Variants in ARHGEF10L observed in about 807,000 individuals in gnomAD.
ARHGEF10L encodes the protein rho guanine nucleotide exchange factor 10-like protein.
In ARHGEF10L, 69 loss-of-function variants were observed where a neutral mutation model predicts 141.2. The ratio of observed to expected loss-of-function variants is 0.49; its 90% CI spans 0.40 to 0.60. The LOEUF (loss-of-function observed/expected upper bound fraction) is 0.60. Among genes scored for constraint, ARHGEF10L ranks in the 20% least tolerant of loss-of-function variants. The pLI, the probability that ARHGEF10L is intolerant of heterozygous loss-of-function variation, is 0.00. For synonymous variants in ARHGEF10L, 711 were observed against 718.5 expected, an observed-to-expected ratio of 0.99 and a Z score of 0.17; for missense variants, 1,482 against 1,734.3, an observed-to-expected ratio of 0.85 and a Z score of 2.58.
chr1:17,516,178 T>A, the ARHGEF10L span, among the ~76,000 whole-genome samples: 1 of 152,204 alleles, frequency 6.6e-6, no homozygotes, highest in Non-Finnish European at 1.5e-5. Context: ...CTTAGGAAAC[T>A]CATTATGCTA....
At chr1:17,562,322 T>C (rs944450332) in intron 1 of ARHGEF10L, among the ~76,000 whole-genome samples, 2 of 152,088 alleles carry the variant, frequency 1.3e-5, no homozygotes, top group African/African-American at 4.8e-5. Flanking sequence ...GAGGCTGAAG[T>C]GGGAGGATCA....
chr1:17,616,081 T>A lies in ARHGEF10L; in HGVS notation c.727-13T>A. ...CCGTCCCTTCCCTGATGAGCCTCTC[T>A]ACCTTTGCTCAGATGACCCAGCTCA... On this transcript the variant is annotated splice_polypyrimidine_tract_variant and intron_variant, in intron 8 of 28. Transcript: ENST00000361221. The A allele has an allele frequency of 6.2e-7, 1 of 1,612,428 alleles. No homozygotes were observed. Among genetic ancestry groups the A allele is most frequent in the Non-Finnish European group, 8.5e-7 (1 of 1,179,044 alleles).
At chr1:17,533,685 G>A in the ARHGEF10L span, among the ~76,000 whole-genome samples, 4 of 152,096 alleles carry the variant, frequency 2.6e-5, no homozygotes, top group East Asian at 1.9e-4. Context: ...GTGTTGCTCC[G>A]TGCATCCCAG....
chr1:17,615,412 C>T lies in ARHGEF10L; in HGVS notation c.727-682C>T, dbSNP rs1288152716. On this transcript the variant is annotated intron_variant, in intron 8 of 28. Coordinates refer to ENST00000361221, the MANE Select transcript of ARHGEF10L (RefSeq NM_018125.4). The surrounding 1 kb of genome is among the most constrained non-coding windows in gnomAD (Gnocchi z 4.7). ...TTGCTACGCTCGTGTCCATGGATCC[C>T]CTCCCCACTGCCAGAGGAAGCTGCC... 6.6e-6 allele frequency: 1 copy of T among 152,210 alleles called. No homozygotes were observed. The highest frequency in any genetic ancestry group is 1.5e-5 in the Non-Finnish European group (1 of 68,056). 9.4% of individuals were successfully genotyped at this position (152,210 alleles called of 1,614,324 possible).
chr1:17,527,947 C>T, the ARHGEF10L span, among the ~76,000 whole-genome samples: 114 of 151,206 alleles, frequency 7.5e-4, no homozygotes, highest in Admixed American at 2.2e-3. Context: ...TGGCTCACTG[C>T]AACCTCCGCC....
Position 17,654,706 on chromosome 1 carries a change from C to T in ARHGEF10L, c.2465C>T (p.Pro822Leu). ...TTCTCAGCAGTCAGCACCTCCCTTC[C>T]ACAGGGCTACCTCTGGGTGAGTCAC... ...LGFSAVSTSL[P>L]QGYLWVGGGQ... The change falls in exon 23 of 29, where the codon CCA (proline) becomes CTA (leucine). Residue 822 changes from proline (P) to leucine (L), a missense_variant. Physicochemically the swap from Pro to Leu is moderately conservative, Grantham distance 98. Around this residue, in one of 3 missense-constraint regions of ARHGEF10L, gnomAD observed 858 missense variants for 966.3 expected, o/e 0.89. Coordinates refer to ENST00000361221, the MANE Select transcript of ARHGEF10L (RefSeq NM_018125.4). The surrounding 1 kb of genome is among the most constrained non-coding windows in gnomAD (Gnocchi z 4.3). 3 of 1,614,146 alleles carry T rather than the reference C, an allele frequency of 1.9e-6. No homozygotes were observed. The highest frequency in any genetic ancestry group is 2.5e-6 in the Non-Finnish European group (3 of 1,180,020).
In ARHGEF10L at chr1:17,656,140, C is replaced by A. The variant is rs1272683663; in HGVS notation, c.2705+38C>A. On this transcript the variant is annotated intron_variant, in intron 24 of 28. Coordinates refer to ENST00000361221, the MANE Select transcript of ARHGEF10L (RefSeq NM_018125.4). This position sits in a 1 kb window ranked among gnomAD's most constrained non-coding sequence, Gnocchi z 4.9. ...GAAGGAGGGGTGAGAGCAGCCTCTG[C>A]AGGGCTGGGCAGTGGGTGGGGGCTG... 1 of 1,541,962 alleles carries A rather than the reference C, an allele frequency of 6.5e-7. No homozygotes were observed. Among genetic ancestry groups the A allele is most frequent in the Non-Finnish European group, 8.8e-7 (1 of 1,141,744 alleles).
Position 17,603,742 on chromosome 1 carries a change from GA to G in ARHGEF10L, c.433+153del. ...TAGAAACAACTGTAGTCATCGGGGA[GA>G]ATCTGGAGATGGCTGAGGGCGTGGC... is the stretch of plus-strand genomic sequence containing the variant. On this transcript the variant is annotated intron_variant, in intron 6 of 28. Coordinates refer to ENST00000361221, the MANE Select transcript of ARHGEF10L (RefSeq NM_018125.4). The surrounding 1 kb of genome is among the most constrained non-coding windows in gnomAD (Gnocchi z 4.8). The G allele has an allele frequency of 1.4e-6, 1 of 737,586 alleles. No individual in the cohort carries two copies. The highest frequency in any genetic ancestry group is 2.1e-6 in the Non-Finnish European group (1 of 487,140). 45.7% of individuals were successfully genotyped at this position (737,586 alleles called of 1,614,324 possible).
chr1:17,690,391 G>A (rs1421557755), intron 27 of ARHGEF10L, among the ~76,000 whole-genome samples: 1 of 152,186 alleles, frequency 6.6e-6, no homozygotes, highest in African/African-American at 2.4e-5. Context: ...ACAGTGTGAG[G>A]ACAGTGCCCA....
intron 28 of ARHGEF10L, 45 bp from the exon 29 acceptor site, chr1:17,696,803 C>A (rs140234432): frequency 6.7e-7 from 1 of 1,502,558 alleles, no homozygotes; most frequent in South Asian, 1.4e-5. Flanking sequence ...TCCCTTAATG[C>A]GCTGGGCCTT....
upstream of ARHGEF10L, among the ~76,000 whole-genome samples, chr1:17,534,740 C>T (rs1033390552): frequency 4.0e-5 from 6 of 151,712 alleles, no homozygotes; most frequent in Admixed American, 2.0e-4. Context: ...CAGGCATGTG[C>T]CACCATGCCT....
At position 17,559,412 on chromosome 1, in the gene ARHGEF10L, C is replaced by G. The variant is rs139763212; in HGVS notation, c.-44+19462C>G. Among the ~76,000 whole-genome samples, 6 of 152,234 alleles carry G rather than the reference C, an allele frequency of 3.9e-5. No individual in the cohort carries two copies. The East Asian group carries it at 1.2e-3, about 29-fold the overall frequency. ...CCAGAAGACCTGCTTGGAATCCCAC[C>G]CCTACCTCTGACTGATTGTAGAGAC... On this transcript the variant is annotated intron_variant, in intron 1 of 28. Transcript: ENST00000361221.
In ARHGEF10L at chr1:17,623,323, G is replaced by C; in HGVS notation, c.1200+148G>C. ...GAGGGTGGCAGGGTCTTCTGGGCCT[G>C]ATCTAGGGGTGAGTGTGACACCTTG... On this transcript the variant is annotated intron_variant, in intron 12 of 28. Transcript: ENST00000361221. The surrounding 1 kb of genome is among the most constrained non-coding windows in gnomAD (Gnocchi z 4.7). The C allele has an allele frequency of 1.0e-5, 10 of 952,414 alleles. No homozygotes were observed. The highest frequency in any genetic ancestry group is 1.5e-5 in the Non-Finnish European group (10 of 648,438). The allele number at this position is 952,414 out of a possible 1,614,324, so 59.0% of individuals were successfully genotyped here.
intron 1 of ARHGEF10L, 147 bp from the exon 2 acceptor site, chr1:17,580,406 A>G (rs1233877716): frequency 1.5e-6 from 1 of 652,572 alleles, no homozygotes; most frequent in Non-Finnish European, 2.7e-6. Context: ...TGATTTATGA[A>G]GGCTGGAGGC....
intron 1 of ARHGEF10L, among the ~76,000 whole-genome samples, chr1:17,540,420 G>C (rs923710835): frequency 6.6e-6 from 1 of 152,090 alleles, no homozygotes; most frequent in Non-Finnish European, 1.5e-5. Context: ...GAGGCGGAAC[G>C]GGACGGCCTC....
At chr1:17,606,980 C>G (rs531796174) in intron 6 of ARHGEF10L, among the ~76,000 whole-genome samples, 1 of 152,228 alleles carries the variant, frequency 6.6e-6, no homozygotes, top group African/African-American at 2.4e-5. Flanking sequence ...AGGCATTTCC[C>G]GCAGGCTTAG....
At chr1:17,653,173 CTG>C (rs1467112783) in intron 22 of ARHGEF10L, among the ~76,000 whole-genome samples, 2 of 152,170 alleles carry the variant, frequency 1.3e-5, no homozygotes, top group Non-Finnish European at 2.9e-5. Context: ...GGTCTCTGCT[CTG>C]TAGGTGAGGA....
At chr1:17,591,288 G>T (rs1444844860) in intron 4 of ARHGEF10L, among the ~76,000 whole-genome samples, 1 of 152,202 alleles carries the variant, frequency 6.6e-6, no homozygotes, top group East Asian at 1.9e-4. Context: ...TGTTGCCCAG[G>T]CTGGAGTGCA....
chr1:17,549,063 C>T (rs1211208968), intron 1 of ARHGEF10L, among the ~76,000 whole-genome samples: 1 of 150,676 alleles, frequency 6.6e-6, no homozygotes, highest in African/African-American at 2.4e-5. Context: ...TGCTCTGTCA[C>T]CCCGGCTGGA....
Sources: allele counts gnomAD v4.1 joint callset (sites outside exome capture counted in the v4.1 genomes callset), GRCh38; gene constraint gnomAD v4.1.1; regional missense constraint gnomAD v4.1.1; non-coding constraint Gnocchi (gnomAD v3.1); transcripts MANE v1.5; gene names NCBI Gene and HGNC (gene_info 2026-07-23, HGNC 2026-07-21).